The following GAB3 variants were observed in gnomAD, a reference collection of about 807,000 sequenced individuals.
The protein encoded by GAB3 is GRB2 associated binding protein 3, also known as GRB2-associated-binding protein 3.
A neutral mutation model predicts 40.4 loss-of-function variants in GAB3; 12 were observed. The ratio of observed to expected loss-of-function variants is 0.30; its 90% CI spans 0.19 to 0.48. The LOEUF is 0.48. Among genes scored for constraint, GAB3 ranks in the 20% least tolerant of loss-of-function variants. GAB3 has a pLI of 0.99. For missense variants in GAB3, 381 were observed against 461.9 expected (o/e 0.82, Z 1.61); for synonymous variants, 154 against 176.7 (o/e 0.87, Z 1.02).
chrX:154,692,190 G>A (rs782710953), intron 8 of GAB3, among the ~76,000 whole-genome samples: 44 of 111,451 alleles, frequency 3.9e-4, no homozygotes, highest in East Asian at 1.1e-3. Context: ...AAACTTCTGC[G>A]CATCAAAGGA....
chrX:154,744,654 A>T (rs781949887), intron 1 of GAB3, among the ~76,000 whole-genome samples: 5 of 112,615 alleles, frequency 4.4e-5, no homozygotes, highest in African/African-American at 6.5e-5. Flanking sequence ...ATCAGTAAGG[A>T]TACAGAAGAA....
intron 1 of GAB3, among the ~76,000 whole-genome samples, chrX:154,721,401 A>T (rs1569557923): frequency 8.9e-6 from 1 of 112,421 alleles, no homozygotes; most frequent in Non-Finnish European, 1.9e-5. Context: ...TTGCTGTGTC[A>T]CCCCATAGCA....
At chrX:154,742,131 T>C (rs1330384530) in intron 1 of GAB3, among the ~76,000 whole-genome samples, 1 of 112,152 alleles carries the variant, frequency 8.9e-6, no homozygotes, top group Non-Finnish European at 1.9e-5. Context: ...AATTACACAA[T>C]ACATTTCTAA....
chrX:154,691,590 T>C (rs782261749), intron 8 of GAB3, among the ~76,000 whole-genome samples: 1 of 111,916 alleles, frequency 8.9e-6, no homozygotes, highest in East Asian at 2.8e-4. Context: ...GTTAACATGA[T>C]AATATTATGC....
intron 1 of GAB3, among the ~76,000 whole-genome samples, chrX:154,747,592 A>G (rs958871081): frequency 1.8e-5 from 2 of 112,003 alleles, no homozygotes; most frequent in Non-Finnish European, 3.8e-5. Context: ...CTTGAGGCCA[A>G]GAGTTGGAGA....
chrX:154,749,901 T>C (rs1377919944), intron 1 of GAB3, among the ~76,000 whole-genome samples: 1 of 112,903 alleles, frequency 8.9e-6, no homozygotes, highest in Non-Finnish European at 1.9e-5. Flanking sequence ...CTCATCTATG[T>C]GGGAACAAAA....
At chrX:154,750,048 A>G (rs1368779943) in intron 1 of GAB3, among the ~76,000 whole-genome samples, 2 of 112,784 alleles carry the variant, frequency 1.8e-5, no homozygotes, top group African/African-American at 3.2e-5. Context: ...ACCACCGTGC[A>G]GTGAAGTTGC....
At chrX:154,743,629 A>G (rs2071479512) in intron 1 of GAB3, among the ~76,000 whole-genome samples, 1 of 111,276 alleles carries the variant, frequency 9.0e-6, no homozygotes, top group Non-Finnish European at 1.9e-5. Flanking sequence ...TCCTTATACT[A>G]CTAATATTAT....
At chrX:154,730,717 G>A (rs1330791418) in intron 1 of GAB3, among the ~76,000 whole-genome samples, 2 of 112,297 alleles carry the variant, frequency 1.8e-5, no homozygotes, top group African/African-American at 6.5e-5. Flanking sequence ...GGGCCACAAA[G>A]GTTGGGAGTT....
At chrX:154,750,784 A>G (rs2071602040) in intron 1 of GAB3, among the ~76,000 whole-genome samples, 170 bp downstream of exon 1, 1 of 111,642 alleles carries the variant, frequency 9.0e-6, no homozygotes, top group South Asian at 3.7e-4. Context: ...ACAGCGGCGA[A>G]GCTGGCTCGA....
At chrX:154,686,518 T>A (rs1251868412) in intron 8 of GAB3, among the ~76,000 whole-genome samples, 1 of 110,476 alleles carries the variant, frequency 9.1e-6, no homozygotes, top group Non-Finnish European at 1.9e-5. Flanking sequence ...AATCTCAAAC[T>A]CTTGGGCTCA....
chrX:154,713,742 C>CAT (rs59885867), intron 2 of GAB3, among the ~76,000 whole-genome samples: 1,495 of 19,427 alleles, frequency 0.077, 133 homozygotes, highest in Non-Finnish European at 0.091. Flanking sequence ...AACTAACAAA[C>CAT]ATATATATAT....
chrX:154,742,767 T>C (rs1361023523), intron 1 of GAB3, among the ~76,000 whole-genome samples: 1 of 110,172 alleles, frequency 9.1e-6, no homozygotes, highest in African/African-American at 3.3e-5. Flanking sequence ...TTATATGAAA[T>C]TTCCAGAAAA....
chrX:154,701,443 C>A (rs2070738450), intron 4 of GAB3, among the ~76,000 whole-genome samples: 1 of 112,095 alleles, frequency 8.9e-6, no homozygotes, highest in African/African-American at 3.2e-5. Context: ...AGATAGAATG[C>A]AGATGGGATC....
At chrX:154,710,210 T>C (rs1410463101) in intron 4 of GAB3, among the ~76,000 whole-genome samples, 1 of 112,517 alleles carries the variant, frequency 8.9e-6, no homozygotes, top group Non-Finnish European at 1.9e-5. Flanking sequence ...TTCCTATTCA[T>C]GGATTGGAAA....
intron 1 of GAB3, among the ~76,000 whole-genome samples, chrX:154,746,406 C>G (rs782718785): frequency 8.9e-6 from 1 of 111,873 alleles, no homozygotes; most frequent in African/African-American, 3.2e-5. Flanking sequence ...AAGTTTATCC[C>G]ATAAGTTCGA....
intron 1 of GAB3, among the ~76,000 whole-genome samples, chrX:154,743,214 C>A (rs1489563783): frequency 9.1e-6 from 1 of 109,872 alleles, no homozygotes; most frequent in African/African-American, 3.3e-5. Flanking sequence ...CAAAACAAAA[C>A]AAAACAAAAT....
intron 1 of GAB3, among the ~76,000 whole-genome samples, chrX:154,728,941 C>T (rs1557259665): frequency 8.9e-6 from 1 of 111,936 alleles, no homozygotes; most frequent in East Asian, 2.8e-4. Flanking sequence ...CATGACTCTA[C>T]ACAGGTGATG....
At chrX:154,714,746 A>T (rs782476990) in intron 2 of GAB3, among the ~76,000 whole-genome samples, 9 of 112,338 alleles carry the variant, frequency 8.0e-5, no homozygotes, top group Admixed American at 1.9e-4. Context: ...GGAAAGAAAC[A>T]GAGGAGATAT....
Sources: allele counts gnomAD v4.1 joint callset (sites outside exome capture counted in the v4.1 genomes callset), GRCh38; gene constraint gnomAD v4.1.1; transcripts MANE v1.5; gene names NCBI Gene and HGNC (gene_info 2026-07-23, HGNC 2026-07-21).